Variants in PLXNA4 observed in about 807,000 individuals in gnomAD.
PLXNA4 encodes plexin A4.
PLXNA4 carries 44 observed loss-of-function variants against 191.8 expected under a neutral mutation model. That is an observed-to-expected ratio of 0.23 (90% CI 0.18 to 0.29). The LOEUF is 0.29. PLXNA4 is among the 10% of genes least tolerant of loss of function. The probability of loss-of-function intolerance (pLI) is 1.00; values close to 1 mark genes in which losing one functional copy is unlikely to be tolerated. For missense variants in PLXNA4, 1,800 were observed against 2,488.8 expected (o/e 0.72, Z 5.89); for synonymous variants, 1,082 against 1,009.5 (o/e 1.07, Z -1.36).
intron 1 of PLXNA4, among the ~76,000 whole-genome samples, chr7:132,528,143 G>A (rs775637750): frequency 1.3e-5 from 2 of 152,198 alleles, no homozygotes; most frequent in African/African-American, 4.8e-5. Flanking sequence ...CGGGATGGTC[G>A]GCTCGGAGAA....
intron 3 of PLXNA4, among the ~76,000 whole-genome samples, chr7:132,405,858 C>T (rs1359353357): frequency 6.6e-6 from 1 of 152,118 alleles, no homozygotes. Flanking sequence ...AGGATGAAAC[C>T]CAGGAAAACA....
intron 3 of PLXNA4, among the ~76,000 whole-genome samples, chr7:132,326,739 T>C (rs1268309445): frequency 6.6e-6 from 1 of 152,148 alleles, no homozygotes; most frequent in African/African-American, 2.4e-5. Context: ...TATCTTTTTT[T>C]ATATAACACA....
At chr7:132,537,543 G>A (rs906337360) in intron 1 of PLXNA4, among the ~76,000 whole-genome samples, 2 of 152,208 alleles carry the variant, frequency 1.3e-5, no homozygotes, top group Non-Finnish European at 2.9e-5. Flanking sequence ...CTTTAGCTAG[G>A]ATTCTCTAGT....
intron 2 of PLXNA4, among the ~76,000 whole-genome samples, chr7:132,614,823 G>T (rs989693717): frequency 6.6e-6 from 1 of 152,172 alleles, no homozygotes; most frequent in Non-Finnish European, 1.5e-5. Flanking sequence ...GAACTGAGCC[G>T]CGGAGAAAAG....
At position 132,398,569 on chromosome 7, in the gene PLXNA4, T is replaced by A. The variant is rs75976068; in HGVS notation, c.1371+90723A>T. 7.8e-3 allele frequency among the ~76,000 whole-genome samples: 1,193 copies of A among 152,334 alleles called. 78 individuals are homozygous for A. In the East Asian group the frequency reaches 0.17, roughly 22 times the overall value. On this transcript the variant is annotated intron_variant, in intron 3 of 31. Transcript: ENST00000321063. ...GTGAGCCAAAACCACCCTCCTGGGCTGGCCCAGTTTAAGAGCCTGGGCTCC... is the reference window on the plus strand; with the variant it reads ...GTGAGCCAAAACCACCCTCCTGGGCAGGCCCAGTTTAAGAGCCTGGGCTCC...
intron 2 of PLXNA4, among the ~76,000 whole-genome samples, chr7:132,643,919 T>C (rs538050710): frequency 6.6e-6 from 1 of 151,900 alleles, no homozygotes; most frequent in Admixed American, 6.6e-5. Context: ...ACCACTACAC[T>C]CCAGCCTGGG....
At chr7:132,228,595 C>T (rs537582060) in intron 5 of PLXNA4, 126 bp from the exon 6 acceptor site, 14 of 1,245,694 alleles carry the variant, frequency 1.1e-5, no homozygotes, top group South Asian at 1.6e-5. Flanking sequence ...CCAGAGCTAA[C>T]CTTTTTGTGT....
chr7:132,440,178 A>C (rs891537350), intron 3 of PLXNA4, among the ~76,000 whole-genome samples: 4 of 152,168 alleles, frequency 2.6e-5, no homozygotes, highest in African/African-American at 4.8e-5. Context: ...TGTGTTGAAA[A>C]AGGGAGCCTT....
chr7:132,402,172 T>C (rs567969452), intron 3 of PLXNA4, among the ~76,000 whole-genome samples: 1 of 152,344 alleles, frequency 6.6e-6, no homozygotes, highest in East Asian at 1.9e-4. Flanking sequence ...TTTATTCTTA[T>C]TTTATACACA....
chr7:132,361,007 A>G (rs183173332), intron 3 of PLXNA4, among the ~76,000 whole-genome samples: 9 of 152,288 alleles, frequency 5.9e-5, no homozygotes, highest in African/African-American at 1.4e-4. Context: ...AATTGATTGT[A>G]TTACTTCCAG....
At chr7:132,502,307 C>A (rs951540158) in intron 2 of PLXNA4, among the ~76,000 whole-genome samples, 6 of 152,166 alleles carry the variant, frequency 3.9e-5, no homozygotes, top group Admixed American at 3.9e-4. Flanking sequence ...TGGAAGGGGA[C>A]CTCCATCGCC....
At chr7:132,272,048 T>C (rs55675608) in intron 4 of PLXNA4, among the ~76,000 whole-genome samples, 18,694 of 152,168 alleles carry the variant, frequency 0.12, 1,913 homozygotes, top group African/African-American at 0.29. Flanking sequence ...AGACACTTGT[T>C]ACCAGGAGGA....
chr7:132,273,996 T>C (rs993535166), intron 4 of PLXNA4, among the ~76,000 whole-genome samples: 1 of 138,934 alleles, frequency 7.2e-6, no homozygotes, highest in Non-Finnish European at 1.6e-5. Flanking sequence ...TAGAATACTA[T>C]TCAGCAGTAA....
chr7:132,203,357 C>T lies in PLXNA4; in HGVS notation c.2361G>A (p.Gly787=), dbSNP rs200335138. Residue 787 remains glycine, a synonymous_variant, in exon 11 of 32, where the codon GGG becomes GGA. Transcript: ENST00000321063. ...GAGCTGGGTTGTCAATGTTGAAGTG[C>T]CCATTCCACACGACTGTCAACTCCA... is the stretch of plus-strand genomic sequence containing the variant. ...LPVELTVVWN[G]HFNIDNPAQN... is the part of the protein sequence containing the mutation. 91 of 1,614,016 alleles carry T rather than the reference C, an allele frequency of 5.6e-5. No homozygotes were observed. Among genetic ancestry groups the T allele is most frequent in the Admixed American group, 3.3e-5 (2 of 60,006 alleles).
intron 1 of PLXNA4, among the ~76,000 whole-genome samples, chr7:132,542,754 A>G (rs1407117762): frequency 6.6e-6 from 1 of 152,124 alleles, no homozygotes; most frequent in Non-Finnish European, 1.5e-5. Context: ...CTCTTCAGCT[A>G]TTTCTAAATT....
intron 1 of PLXNA4, among the ~76,000 whole-genome samples, chr7:132,562,853 C>T (rs540118109): frequency 6.1e-4 from 70 of 114,338 alleles, no homozygotes; most frequent in Non-Finnish European, 1.1e-3. Context: ...CTTCCTTTCT[C>T]CTCCTCCTCC....
At chr7:132,452,577 T>A (rs1168345082) in intron 3 of PLXNA4, among the ~76,000 whole-genome samples, 1 of 152,180 alleles carries the variant, frequency 6.6e-6, no homozygotes, top group Non-Finnish European at 1.5e-5. Context: ...CAAGATATGG[T>A]CTGAAAGGTG....
Position 132,149,777 on chromosome 7 carries a change from G to A in PLXNA4, c.4661-1131C>T, listed in dbSNP as rs569472667. On this transcript the variant is annotated intron_variant, in intron 25 of 31. Transcript: ENST00000321063. ...GGCAGTCACTGCTTGACCCACCAGG[G>A]ATTTCTTCCTATGTCTCACAGAGCC... Among the ~76,000 whole-genome samples, 272 of 152,290 alleles carry A rather than the reference G, an allele frequency of 1.8e-3. 1 individual carries two copies. The highest frequency in any genetic ancestry group is 3.1e-3 in the Non-Finnish European group (208 of 68,024).
At chr7:132,203,936 C>T (rs534869847) in intron 10 of PLXNA4, among the ~76,000 whole-genome samples, 13 of 152,276 alleles carry the variant, frequency 8.5e-5, no homozygotes, top group Admixed American at 1.3e-4. Flanking sequence ...ACTTCCCAGG[C>T]AGGGCGGTGG....
Sources: allele counts gnomAD v4.1 joint callset (sites outside exome capture counted in the v4.1 genomes callset), GRCh38; gene constraint gnomAD v4.1.1; transcripts MANE v1.5; gene names NCBI Gene and HGNC (gene_info 2026-07-23, HGNC 2026-07-21).